Variants in CATSPERE observed in about 807,000 individuals in gnomAD.
The protein encoded by CATSPERE is cation channel sperm-associated auxiliary subunit epsilon.
Under a neutral mutation model 114.1 loss-of-function variants are expected in CATSPERE, and 93 were observed. The observed-to-expected ratio is 0.81, with a 90% CI of 0.69 to 0.97. CATSPERE has a LOEUF of 0.97. Ranked by LOEUF, CATSPERE falls within the 50% of genes least tolerant of loss-of-function variation. The pLI is 0.00. For synonymous variants in CATSPERE, 341 were observed against 384.1 expected, an observed-to-expected ratio of 0.89 and a Z score of 1.31; for missense variants, 1,058 against 1,131.6, an observed-to-expected ratio of 0.93 and a Z score of 0.93.
chr1:244,562,600 T>C (rs527974438), intron 10 of CATSPERE, among the ~76,000 whole-genome samples: 2 of 152,314 alleles, frequency 1.3e-5, no homozygotes, highest in African/African-American at 4.8e-5. Flanking sequence ...CAGTTACTGG[T>C]TATATAGAAG....
chr1:244,456,508 A>G (rs1404205350), upstream of CATSPERE, among the ~76,000 whole-genome samples: 1 of 152,190 alleles, frequency 6.6e-6, no homozygotes, highest in Non-Finnish European at 1.5e-5. Context: ...TAGAAATTTT[A>G]ATGCCTTTTT....
In CATSPERE at chr1:244,479,397, C is replaced by G. The variant is rs571720172; in HGVS notation, c.259-320C>G. ...TGTGAGCCACTGCGCCAGGCCACAT[C>G]TGACTTTTGAAAAGCACTCAGTTGT... On this transcript the variant is annotated intron_variant, in intron 4 of 21. Transcript: ENST00000366534. Among the ~76,000 whole-genome samples the G allele has an allele frequency of 1.5e-3, 224 of 152,222 alleles. 1 individual carries two copies. Among genetic ancestry groups the G allele is most frequent in the African/African-American group, 4.9e-3 (205 of 41,538 alleles).
At chr1:244,582,563 C>T (rs1005209489) in intron 12 of CATSPERE, among the ~76,000 whole-genome samples, 2 of 151,904 alleles carry the variant, frequency 1.3e-5, no homozygotes, top group African/African-American at 4.8e-5. Context: ...CCACCACGGC[C>T]GGCTAATTTT....
Position 244,640,496 on chromosome 1 carries a change from T to A in CATSPERE, c.*415T>A, listed in dbSNP as rs1675211077. 1 of 116,054 alleles carries A rather than the reference T, an allele frequency of 8.6e-6. No homozygotes were observed. The highest frequency in any genetic ancestry group is 1.8e-5 in the Non-Finnish European group (1 of 56,060). The allele number at this position is 116,054 out of a possible 1,614,324, so 7.2% of individuals were successfully genotyped here. ...AAAGGATTTAATAAAGGTGTGTGGA[T>A]TTAAATAACCTGCCCTAAACAGATT... On this transcript the variant is annotated 3_prime_UTR_variant, in exon 22 of 22. Transcript: ENST00000366534.
intron 13 of CATSPERE, among the ~76,000 whole-genome samples, chr1:244,586,951 CT>C (rs781181052): frequency 4.2e-4 from 64 of 152,166 alleles, no homozygotes; most frequent in Non-Finnish European, 8.1e-4. Flanking sequence ...CATTCATCCA[CT>C]TTATTTTTAA....
intron 8 of CATSPERE, among the ~76,000 whole-genome samples, chr1:244,534,415 G>C (rs890187646): frequency 8.6e-5 from 13 of 151,972 alleles, no homozygotes; most frequent in African/African-American, 3.1e-4. Flanking sequence ...CCCCGTTGAG[G>C]CTGTTTTCTA....
intron 7 of CATSPERE, among the ~76,000 whole-genome samples, chr1:244,506,304 A>T (rs1375838730): frequency 6.6e-6 from 1 of 152,230 alleles, no homozygotes; most frequent in Non-Finnish European, 1.5e-5. Flanking sequence ...ATCACTGGAC[A>T]CATGGGTTGC....
chr1:244,607,983 T>C lies in CATSPERE; in HGVS notation c.2403+2189T>C, dbSNP rs1670216279. On this transcript the variant is annotated intron_variant, in intron 18 of 21. Transcript: ENST00000366534. This position sits in a 1 kb window ranked among gnomAD's most constrained non-coding sequence, Gnocchi z 4.4. ...TTAGCTGGGCATGCTGGCACACACC[T>C]GTAATCCCAGCTACTCAGGAGGCTG... Among the ~76,000 whole-genome samples the C allele has an allele frequency of 6.6e-6, 1 of 152,108 alleles. No individual in the cohort carries two copies. The highest frequency in any genetic ancestry group is 2.1e-4 in the South Asian group (1 of 4,822).
rs189302940 is a variant in CATSPERE at position 244,544,397 on chromosome 1, A to G, written c.537-7925A>G. Among the ~76,000 whole-genome samples, 215 of 152,252 alleles carry G rather than the reference A, an allele frequency of 1.4e-3. 1 individual carries two copies. The highest frequency in any genetic ancestry group is 4.9e-3 in the African/African-American group (203 of 41,550). On this transcript the variant is annotated intron_variant, in intron 8 of 21. Coordinates refer to ENST00000366534, the MANE Select transcript of CATSPERE (RefSeq NM_001130957.2). ...CTTATGGAGGTTAGATGATCAATGG[A>G]GTTTTAACTTAGGCCTATCTCACTG... is the stretch of plus-strand genomic sequence containing the variant.
At chr1:244,561,891 C>T (rs377526783) in intron 10 of CATSPERE, among the ~76,000 whole-genome samples, 9 of 152,200 alleles carry the variant, frequency 5.9e-5, no homozygotes, top group Admixed American at 1.3e-4. Context: ...GTGGCTCACG[C>T]TTCTAATGCC....
intron 17 of CATSPERE, among the ~76,000 whole-genome samples, chr1:244,596,850 G>GT (rs1423662893): frequency 1.3e-5 from 2 of 152,004 alleles, no homozygotes; most frequent in African/African-American, 4.8e-5. Context: ...AGTGGTAAGG[G>GT]TAAGAGAATG....
At chr1:244,474,370 C>G (rs1214903501) in intron 2 of CATSPERE, among the ~76,000 whole-genome samples, 1 of 152,130 alleles carries the variant, frequency 6.6e-6, no homozygotes, top group Middle Eastern at 3.4e-3. Context: ...ATTCTACTTT[C>G]CTTTTTCATT....
intron 20 of CATSPERE, among the ~76,000 whole-genome samples, chr1:244,618,605 A>T (rs1573031507): frequency 6.6e-6 from 1 of 152,122 alleles, no homozygotes; most frequent in African/African-American, 2.4e-5. Context: ...ATATGGAGAA[A>T]CTGTCTCTAC....
intron 2 of CATSPERE, among the ~76,000 whole-genome samples, chr1:244,469,494 A>G (rs1375974628): frequency 1.3e-5 from 2 of 152,266 alleles, no homozygotes; most frequent in East Asian, 3.9e-4. Context: ...TGTACCTTTA[A>G]ATGATAAGAC....
chr1:244,461,096 C>CTTCCTTCCT (rs11434002), upstream of CATSPERE, among the ~76,000 whole-genome samples: 6 of 151,576 alleles, frequency 4.0e-5, no homozygotes, highest in Non-Finnish European at 7.4e-5. Context: ...TCTTTCCTTC[C>CTTCCTTCCT]TCCTTCCTTC....
chr1:244,496,516 G>T (rs1391210965), intron 6 of CATSPERE, among the ~76,000 whole-genome samples: 1 of 152,120 alleles, frequency 6.6e-6, no homozygotes, highest in Non-Finnish European at 1.5e-5. Flanking sequence ...CAAAAGCAAA[G>T]ATAATTCTCT....
chr1:244,564,622 G>T (rs1663137633), intron 10 of CATSPERE, among the ~76,000 whole-genome samples: 1 of 152,168 alleles, frequency 6.6e-6, no homozygotes, highest in Non-Finnish European at 1.5e-5. Context: ...TGCTGAAGTT[G>T]CTTACCAGCC....
chr1:244,490,371 T>C, intron 5 of CATSPERE, 76 bp from the exon 6 acceptor site: 1 of 964,386 alleles, frequency 1.0e-6, no homozygotes, highest in Admixed American at 2.2e-5. Flanking sequence ...TAGAAACATG[T>C]ATCTTGAAAG....
chr1:244,605,372 G>A (rs1459661935), intron 17 of CATSPERE, among the ~76,000 whole-genome samples: 1 of 152,206 alleles, frequency 6.6e-6, no homozygotes, highest in Non-Finnish European at 1.5e-5. Flanking sequence ...GTCCAGTGAA[G>A]AGAACTTAGA....
Sources: allele counts gnomAD v4.1 joint callset (sites outside exome capture counted in the v4.1 genomes callset), GRCh38; gene constraint gnomAD v4.1.1; non-coding constraint Gnocchi (gnomAD v3.1); transcripts MANE v1.5; gene names NCBI Gene and HGNC (gene_info 2026-07-23, HGNC 2026-07-21).